RASA2: variants seen among roughly 807,000 people sequenced by gnomAD.
RASA2 encodes ras GTPase-activating protein 2.
RASA2 carries 155 observed loss-of-function variants against 118.2 expected under a neutral mutation model. That is an observed-to-expected ratio of 1.31 (90% confidence interval 1.15 to 1.50). The LOEUF is 1.50. Ranked by LOEUF, RASA2 falls within the 40% of genes most tolerant of loss-of-function variation. The probability of loss-of-function intolerance (pLI) is 0.00; values close to 1 mark genes in which losing one functional copy is unlikely to be tolerated. For synonymous variants in RASA2, 353 were observed against 349.1 expected, an observed-to-expected ratio of 1.01 and a Z score of -0.12; for missense variants, 1,016 against 1,009.6, an observed-to-expected ratio of 1.01 and a Z score of -0.09.
intron 5 of RASA2, among the ~76,000 whole-genome samples, chr3:141,546,227 G>T (rs1577714553): frequency 6.6e-6 from 1 of 152,168 alleles, no homozygotes; most frequent in Non-Finnish European, 1.5e-5. Context: ...GCTGGATCAT[G>T]TGGTAGCTCT....
Position 141,583,295 on chromosome 3 carries a change from C to T in RASA2, c.1752+2118C>T, listed in dbSNP as rs552088275. On this transcript the variant is annotated intron_variant, in intron 17 of 23. Coordinates refer to ENST00000286364, the MANE Select transcript of RASA2 (RefSeq NM_006506.5). ...AAAAAATTAGCCAGGCCTGGTGGCA[C>T]GTGCCTGTAATCCCAGCTACTAGGG... Among the ~76,000 whole-genome samples the T allele has an allele frequency of 2.0e-5, 3 of 152,076 alleles. No individual in the cohort carries two copies. In the East Asian group the frequency reaches 5.8e-4, roughly 29 times the overall value.
At chr3:141,553,438 G>T (rs76630672) in intron 5 of RASA2, among the ~76,000 whole-genome samples, 5 of 143,460 alleles carry the variant, frequency 3.5e-5, no homozygotes, top group African/African-American at 5.1e-5. Flanking sequence ...TTTTTTTTTT[G>T]AGTATTTGCA....
At chr3:141,540,918 T>C (rs528431934) in intron 5 of RASA2, among the ~76,000 whole-genome samples, 1 of 152,272 alleles carries the variant, frequency 6.6e-6, no homozygotes, top group East Asian at 1.9e-4. Flanking sequence ...GAAGGTCCTC[T>C]AGAAATTGTC....
At chr3:141,611,226 C>G (rs964478643) in intron 23 of RASA2, among the ~76,000 whole-genome samples, 1 of 152,220 alleles carries the variant, frequency 6.6e-6, no homozygotes, top group African/African-American at 2.4e-5. Flanking sequence ...ACACCTGCCA[C>G]TCAGCCAACC....
intron 1 of RASA2, among the ~76,000 whole-genome samples, chr3:141,501,025 A>G (rs2081770911): frequency 6.6e-6 from 1 of 152,152 alleles, no homozygotes; most frequent in Non-Finnish European, 1.5e-5. Flanking sequence ...TGCAGTTTCC[A>G]CTCAAAATCA....
intron 7 of RASA2, among the ~76,000 whole-genome samples, chr3:141,557,730 G>C (rs909482882): frequency 6.6e-6 from 1 of 151,998 alleles, no homozygotes; most frequent in Non-Finnish European, 1.5e-5. Context: ...AGGGGATGGG[G>C]TATCTTTCAA....
At chr3:141,553,787 TGTTTAAAGATAATGTTTTATC>T in intron 5 of RASA2, 49 bp from the exon 6 acceptor site, 3 of 1,559,986 alleles carry the variant, frequency 1.9e-6, no homozygotes, top group African/African-American at 2.7e-5. Context: ...TATTAGTTTG[TGTTTAAAGATAATGTTTTATC>T]TTGTTTAACT....
chr3:141,522,026 T>C (rs549390523), intron 3 of RASA2, among the ~76,000 whole-genome samples: 3 of 152,268 alleles, frequency 2.0e-5, no homozygotes, highest in Non-Finnish European at 4.4e-5. Context: ...ATTTAGAGAA[T>C]CATCTTTTAA....
chr3:141,543,876 C>CTTTTTTTTTTTTTT (rs529631210), intron 5 of RASA2, among the ~76,000 whole-genome samples: 32 of 117,310 alleles, frequency 2.7e-4, no homozygotes, highest in East Asian at 4.8e-4. Flanking sequence ...TTTCTTTTTT[C>CTTTTTTTTTTTTTT]TTTTTTTTTT....
intron 4 of RASA2, among the ~76,000 whole-genome samples, chr3:141,538,315 T>A (rs2151100577): frequency 6.6e-6 from 1 of 152,322 alleles, no homozygotes; most frequent in Non-Finnish European, 1.5e-5. Flanking sequence ...ACAGTAGTAG[T>A]AAAAACTTTG....
intron 4 of RASA2, among the ~76,000 whole-genome samples, chr3:141,536,761 C>CTTTTT (rs778644144): frequency 7.8e-6 from 1 of 127,462 alleles, no homozygotes; most frequent in Non-Finnish European, 1.7e-5. Context: ...TTGTTAGATT[C>CTTTTT]TTTTTTTTTT....
At chr3:141,496,960 A>G (rs181970909) in intron 1 of RASA2, among the ~76,000 whole-genome samples, 1,990 of 152,268 alleles carry the variant, frequency 0.013, 14 homozygotes, top group Non-Finnish European at 0.02. Flanking sequence ...TGTGGCACAT[A>G]TACACCATGG....
intron 9 of RASA2, among the ~76,000 whole-genome samples, chr3:141,564,086 C>T (rs1462298040): frequency 2.0e-5 from 3 of 151,508 alleles, no homozygotes; most frequent in Middle Eastern, 3.4e-3. Context: ...GTGAACCCTT[C>T]TGGAGTTCTT....
chr3:141,554,169 T>A (rs1238339557), intron 6 of RASA2, among the ~76,000 whole-genome samples: 1 of 152,204 alleles, frequency 6.6e-6, no homozygotes, highest in Non-Finnish European at 1.5e-5. Flanking sequence ...GCTCTTAGGC[T>A]TTAAGGAACA....
chr3:141,571,349 A>T (rs956355972), intron 10 of RASA2, 57 bp from the exon 11 acceptor site: 12 of 1,563,210 alleles, frequency 7.7e-6, no homozygotes, highest in Non-Finnish European at 9.6e-6. Context: ...CTAGTGATTG[A>T]ACAGTTAATC....
At chr3:141,560,848 G>A (rs186339951) in intron 9 of RASA2, among the ~76,000 whole-genome samples, 204 of 152,120 alleles carry the variant, frequency 1.3e-3, no homozygotes, top group South Asian at 4.1e-4. Flanking sequence ...GTGTTTAGGT[G>A]TTTCTTATGG....
intron 2 of RASA2, among the ~76,000 whole-genome samples, chr3:141,515,243 T>C (rs1051755382): frequency 3.3e-5 from 5 of 152,206 alleles, no homozygotes; most frequent in Non-Finnish European, 7.3e-5. Flanking sequence ...TTTTTAAAAA[T>C]AGCTTAATTT....
In RASA2 at chr3:141,527,292, T is replaced by C. The variant is rs1295869499; in HGVS notation, c.356-2416T>C. The stretch of plus-strand genomic sequence containing the variant: ...ATAAATTGTGTACAAAACTAAAAAT[T>C]ATGGAAATTGTAAAGTAGAAATTTC... On this transcript the variant is annotated intron_variant, in intron 3 of 23. Coordinates refer to ENST00000286364, the MANE Select transcript of RASA2 (RefSeq NM_006506.5). Among the ~76,000 whole-genome samples, 4 of 152,286 alleles carry C rather than the reference T, an allele frequency of 2.6e-5. No homozygotes were observed. The East Asian group carries it at 7.7e-4, about 29-fold the overall frequency.
intron 19 of RASA2, among the ~76,000 whole-genome samples, chr3:141,606,586 T>C (rs2083552705): frequency 6.6e-6 from 1 of 152,162 alleles, no homozygotes; most frequent in Admixed American, 6.5e-5. Context: ...AGACATTCAG[T>C]ATATGATAGT....
Sources: gnomAD v4.1 joint callset for allele counts (sites outside exome capture counted in the v4.1 genomes callset) on GRCh38, gnomAD v4.1.1 for gene constraint, MANE v1.5 for transcripts, NCBI Gene and HGNC (gene_info 2026-07-23, HGNC 2026-07-21) for gene names.